The following EXOG variants were observed in gnomAD, a reference collection of about 807,000 sequenced individuals.
EXOG encodes the protein exo/endonuclease G.
A neutral mutation model predicts 25.8 loss-of-function variants in EXOG; 27 were observed. The ratio of observed to expected loss-of-function variants is 1.05; its 90% CI spans 0.77 to 1.45. The LOEUF (loss-of-function observed/expected upper bound fraction) is 1.45, where lower values mean the gene tolerates loss of function less well. Among genes scored for constraint, EXOG ranks in the 40% most tolerant of loss-of-function variants. The pLI is 0.00. For missense variants in EXOG, 458 were observed against 450.5 expected (o/e 1.02, Z -0.15); for synonymous variants, 133 against 167.0 (o/e 0.80, Z 1.57).
chr3:38,508,286 T>C (rs1024457929), intron 5 of EXOG, among the ~76,000 whole-genome samples: 2 of 152,128 alleles, frequency 1.3e-5, no homozygotes, highest in African/African-American at 4.8e-5. Flanking sequence ...AGATTAAAGA[T>C]AGGAGAGTGT....
chr3:38,496,792 C>A (rs575366761), intron 1 of EXOG: 4 of 1,460,224 alleles, frequency 2.7e-6, no homozygotes, highest in Non-Finnish European at 3.6e-6. Context: ...TTTCTTCCCC[C>A]CAGTTACTCA....
chr3:38,505,217 CA>C (rs2060167014), intron 4 of EXOG, among the ~76,000 whole-genome samples: 1 of 151,132 alleles, frequency 6.6e-6, no homozygotes, highest in African/African-American at 2.4e-5. Flanking sequence ...AAGATAGACA[CA>C]AAAATTTGGT....
chr3:38,510,453 T>C (rs908806914), intron 5 of EXOG, among the ~76,000 whole-genome samples: 5 of 152,152 alleles, frequency 3.3e-5, no homozygotes, highest in Admixed American at 6.5e-5. Flanking sequence ...TTCTGTGATA[T>C]GTAAGTAAAT....
chr3:38,523,882 A>T lies in EXOG; in HGVS notation c.646-19A>T. On this transcript the variant is annotated intron_variant, in intron 5 of 5. Transcript: ENST00000287675. ...GTTAGCACAAATTGGCATCACTAAT[A>T]TGGCTGCTTTGTTTTTAGGTGATTG... 1 of 1,511,824 alleles carries T rather than the reference A, an allele frequency of 6.6e-7. No homozygotes were observed. The highest frequency in any genetic ancestry group is 8.8e-7 in the Non-Finnish European group (1 of 1,130,186). The allele number at this position is 1,511,824 out of a possible 1,614,324, so 93.7% of individuals were successfully genotyped here.
intron 3 of EXOG, among the ~76,000 whole-genome samples, chr3:38,502,015 C>T (rs774881861): frequency 2.0e-5 from 3 of 151,592 alleles, no homozygotes; most frequent in African/African-American, 4.9e-5. Context: ...CTCCGCCTCC[C>T]GGGTTCAAGT....
At chr3:38,503,776 TTCTG>T in intron 4 of EXOG, 85 bp downstream of exon 4, 3 of 800,214 alleles carry the variant, frequency 3.7e-6, no homozygotes, top group Non-Finnish European at 6.2e-6. Context: ...TATTAGCTGT[TTCTG>T]TCTTTGTTTT....
Position 38,524,091 on chromosome 3 carries a change from T to C in EXOG, c.836T>C (p.Val279Ala). The C allele has an allele frequency of 6.2e-7, 1 of 1,614,120 alleles. No individual in the cohort carries two copies. The highest frequency in any genetic ancestry group is 8.5e-7 in the Non-Finnish European group (1 of 1,179,980). ...GACCTAGAGAAGTTGTCAGGACTGG[T>C]GTTTTTTCCTCATTTGGATAGAACT... ...LQDLEKLSGL[V>A]FFPHLDRTSD... Residue 279 changes from valine to alanine, a missense_variant, in exon 6 of 6, where the codon GTG becomes GCG. By Grantham distance (64) the Val-to-Ala change is moderately conservative (BLOSUM62 0). This residue lies in a region of EXOG where 178 missense variants were observed against 203.7 expected (regional missense o/e 0.87). Transcript: ENST00000287675.
intron 5 of EXOG, among the ~76,000 whole-genome samples, chr3:38,509,124 A>C (rs561970429): frequency 1.1e-3 from 173 of 152,292 alleles, no homozygotes; most frequent in Admixed American, 1.9e-3. Context: ...ATTATTTTTC[A>C]AATATTAATT....
At chr3:38,503,249 C>T (rs2125758492) in intron 3 of EXOG, among the ~76,000 whole-genome samples, 1 of 152,296 alleles carries the variant, frequency 6.6e-6, no homozygotes, top group East Asian at 1.9e-4. Context: ...TATGTTTGTA[C>T]TGTACTAAAA....
At position 38,524,367 on chromosome 3, in the gene EXOG, T is replaced by C; in HGVS notation, c.*5T>C. On this transcript the variant is annotated 3_prime_UTR_variant, in exon 6 of 6. Transcript: ENST00000287675. ...CAGATAAGAAAGCCATCCTAGTTTT[T>C]ATCTCAAGATGTGTCATACCGTCTG... 1 of 1,593,998 alleles carries C rather than the reference T, an allele frequency of 6.3e-7. No homozygotes were observed. Among genetic ancestry groups the C allele is most frequent in the South Asian group, 1.1e-5 (1 of 87,240 alleles).
At position 38,514,059 on chromosome 3, in the gene EXOG, G is replaced by T. The variant is rs370092801; in HGVS notation, c.645+7091G>T. ...GAGGTTGGCACATTCAAGGAGCAGT[G>T]CTCTGCTCAGTGTGACTAGAGCAGC... On this transcript the variant is annotated intron_variant, in intron 5 of 5. Coordinates refer to ENST00000287675, the MANE Select transcript of EXOG (RefSeq NM_005107.4). Among the ~76,000 whole-genome samples the T allele has an allele frequency of 6.6e-5, 10 of 152,344 alleles. No homozygotes were observed. In the South Asian group the frequency reaches 2.1e-3, roughly 32 times the overall value.
chr3:38,498,154 T>C (rs1382607311), intron 2 of EXOG: 5 of 169,000 alleles, frequency 3.0e-5, no homozygotes, highest in African/African-American at 9.6e-5. Flanking sequence ...CAGTGACACT[T>C]TGAGTTGGGA....
intron 2 of EXOG, chr3:38,498,717 A>G (rs1217866664): frequency 3.3e-6 from 1 of 305,234 alleles, no homozygotes; most frequent in East Asian, 8.2e-5. Flanking sequence ...AGAAAGGAAC[A>G]TTTGCATCTT....
Position 38,524,743 on chromosome 3 carries a change from A to G in EXOG, c.*381A>G, listed in dbSNP as rs1481118347. On this transcript the variant is annotated 3_prime_UTR_variant, in exon 6 of 6. Coordinates refer to ENST00000287675, the MANE Select transcript of EXOG (RefSeq NM_005107.4). ...TATTTGACTCAGGAACTAATTATTA[A>G]GGGAGCTTTGACACCTGCAGATGGA... 1.0e-6 allele frequency: 1 copy of G among 993,498 alleles called. No individual in the cohort carries two copies. Among genetic ancestry groups the G allele is most frequent in the East Asian group, 1.1e-4 (1 of 9,200 alleles). The allele number at this position is 993,498 out of a possible 1,614,324, so 61.5% of individuals were successfully genotyped here.
At chr3:38,513,403 G>A (rs939782525) in intron 5 of EXOG, among the ~76,000 whole-genome samples, 9 of 152,158 alleles carry the variant, frequency 5.9e-5, no homozygotes, top group African/African-American at 2.2e-4. Context: ...ATTATTATAA[G>A]TGTGTATGTA....
intron 3 of EXOG, among the ~76,000 whole-genome samples, chr3:38,502,355 GACTA>G (rs1375697895): frequency 6.6e-6 from 1 of 152,026 alleles, no homozygotes; most frequent in Non-Finnish European, 1.5e-5. Context: ...TCAGCTTCCC[GACTA>G]ACTAGGACTA....
Position 38,496,975 on chromosome 3 carries a change from G to C in EXOG, c.163+445G>C, listed in dbSNP as rs1984312. 2,181 of 1,072,386 alleles carry C rather than the reference G, an allele frequency of 2.0e-3. 125 individuals carry two copies. In the Admixed American group the frequency reaches 0.098, roughly 48 times the overall value. The allele number at this position is 1,072,386 out of a possible 1,614,324, so 66.4% of individuals were successfully genotyped here. A position where few individuals can be genotyped will look rare whatever the true frequency, so the allele number is the denominator to read the frequency against. On this transcript the variant is annotated intron_variant, in intron 1 of 5. Coordinates refer to ENST00000287675, the MANE Select transcript of EXOG (RefSeq NM_005107.4). ...AAATTAATACATAATTTTAGTAGAT[G>C]AGTTAACTGCCCTTCTTTCGTCATT...
At chr3:38,508,727 A>C (rs1260786681) in intron 5 of EXOG, among the ~76,000 whole-genome samples, 1 of 147,518 alleles carries the variant, frequency 6.8e-6, no homozygotes, top group Non-Finnish European at 1.5e-5. Flanking sequence ...CCCCCAAAAA[A>C]AAACCAAAAC....
intron 4 of EXOG, among the ~76,000 whole-genome samples, chr3:38,504,446 GT>G (rs2060138885): frequency 6.6e-6 from 1 of 151,600 alleles, no homozygotes; most frequent in Non-Finnish European, 1.5e-5. Context: ...TTTGTTTTTT[GT>G]TTTTTTGAGA....
Sources: gnomAD v4.1 joint callset for allele counts (sites outside exome capture counted in the v4.1 genomes callset) on GRCh38, gnomAD v4.1.1 for gene constraint, gnomAD v4.1.1 regional missense constraint, MANE v1.5 for transcripts, NCBI Gene and HGNC (gene_info 2026-07-23, HGNC 2026-07-21) for gene names.